The following AKAP6 variants were observed in gnomAD, a reference collection of about 807,000 sequenced individuals.
AKAP6 encodes A-kinase anchor protein 6.
A neutral mutation model predicts 188.5 loss-of-function variants in AKAP6; 58 were observed. The observed-to-expected ratio is 0.31, with a 90% CI of 0.25 to 0.38. AKAP6 has a LOEUF of 0.38. Among genes scored for constraint, AKAP6 ranks in the 10% least tolerant of loss-of-function variants. The pLI is 1.00. For synonymous variants in AKAP6, 989 were observed against 998.6 expected, an observed-to-expected ratio of 0.99 and a Z score of 0.18; for missense variants, 2,710 against 2,740.0, an observed-to-expected ratio of 0.99 and a Z score of 0.24.
intron 1 of AKAP6, among the ~76,000 whole-genome samples, chr14:32,353,350 A>C (rs1478567287): frequency 6.7e-6 from 1 of 150,098 alleles, no homozygotes; most frequent in Non-Finnish European, 1.5e-5. Flanking sequence ...ACATGAGGTC[A>C]GGAGATCGAA....
intron 1 of AKAP6, among the ~76,000 whole-genome samples, chr14:32,421,673 C>T (rs1018284581): frequency 2.6e-5 from 4 of 152,086 alleles, no homozygotes; most frequent in African/African-American, 7.2e-5. Flanking sequence ...TCTGCTAATC[C>T]TTGACTGCCC....
At position 32,627,504 on chromosome 14, in the gene AKAP6, TC is replaced by T. The variant is rs573749976; in HGVS notation, c.2730+26713del. Among the ~76,000 whole-genome samples, 289 of 152,244 alleles carry T rather than the reference TC, an allele frequency of 1.9e-3. 1 individual carries two copies. The highest frequency in any genetic ancestry group is 6.3e-3 in the African/African-American group (260 of 41,556). On this transcript the variant is annotated intron_variant, in intron 7 of 13. Coordinates refer to ENST00000280979, the MANE Select transcript of AKAP6 (RefSeq NM_004274.5). ...TTTCACAGCATCATGAGGAGTTTGT[TC>T]TTTTTCCTTAAACAGTACCCCTAAA...
At chr14:32,818,952 T>G (rs1300230409) in intron 12 of AKAP6, among the ~76,000 whole-genome samples, 1 of 152,216 alleles carries the variant, frequency 6.6e-6, no homozygotes, top group Non-Finnish European at 1.5e-5. Context: ...AGATAGTATT[T>G]GAAATTAATA....
rs767679466 is a variant in AKAP6 at position 32,546,318 on chromosome 14, G to A, written c.1665G>A (p.Glu555=). ...QTNSASTSSL[E]PCNQRSWNAK... is the part of the protein sequence containing the mutation. ...ATTCTGCTTCCACATCCTCACTTGAGCCTTGTAATCAGAGAAGTTGGAATG... is the reference window on the plus strand; with the variant it reads ...ATTCTGCTTCCACATCCTCACTTGAACCTTGTAATCAGAGAAGTTGGAATG... The change falls in exon 4 of 14, where the codon GAG becomes GAA. Residue 555 remains glutamate (E), a synonymous_variant. Coordinates refer to ENST00000280979, the MANE Select transcript of AKAP6 (RefSeq NM_004274.5). 12 of 1,614,046 alleles carry A rather than the reference G, an allele frequency of 7.4e-6. No individual in the cohort carries two copies. The East Asian group carries it at 2.5e-4, about 33-fold the overall frequency.
intron 2 of AKAP6, among the ~76,000 whole-genome samples, chr14:32,479,019 G>A (rs548602261): frequency 2.0e-5 from 3 of 152,276 alleles, no homozygotes; most frequent in Non-Finnish European, 2.9e-5. Context: ...TAGGAATATA[G>A]GGAGAATGCT....
At chr14:32,427,142 C>A (rs1890061317) in intron 1 of AKAP6, among the ~76,000 whole-genome samples, 1 of 151,912 alleles carries the variant, frequency 6.6e-6, no homozygotes, top group Non-Finnish European at 1.5e-5. Flanking sequence ...GTGCTGTTTC[C>A]CCCCTGGGGC....
Position 32,433,482 on chromosome 14 carries a change from TTAGACTTCTCCA to T in AKAP6, c.-10_2del. The T allele has an allele frequency of 6.2e-7, 1 of 1,611,518 alleles. No individual in the cohort carries two copies. The highest frequency in any genetic ancestry group is 8.5e-7 in the Non-Finnish European group (1 of 1,178,088). ...CAGCTGTTTTGGAAAGAAGTGAGGTTTAGACTTCTCCATGTTAACCATGAGCGTGACACTTTC... is the reference window on the plus strand; with the variant it reads ...CAGCTGTTTTGGAAAGAAGTGAGGTTTGTTAACCATGAGCGTGACACTTTC... On this transcript the variant is annotated start_lost and 5_prime_UTR_variant, in exon 2 of 14. Coordinates refer to ENST00000280979, the MANE Select transcript of AKAP6 (RefSeq NM_004274.5).
At chr14:32,704,825 C>G (rs1449294679) in intron 9 of AKAP6, among the ~76,000 whole-genome samples, 1 of 151,950 alleles carries the variant, frequency 6.6e-6, no homozygotes, top group Admixed American at 6.6e-5. Flanking sequence ...TAATTATAAC[C>G]ACAAGGAAAT....
intron 2 of AKAP6, among the ~76,000 whole-genome samples, chr14:32,455,731 T>A (rs1278403505): frequency 1.8e-4 from 27 of 152,242 alleles, no homozygotes; most frequent in Admixed American, 1.8e-3. Context: ...ATGGTAAACC[T>A]TGTAATCTCT....
rs778509807 is a variant in AKAP6, at chr14:32,821,898, G to A, written c.4085G>A (p.Ser1362Asn). The A allele has an allele frequency of 2.5e-6, 4 of 1,613,942 alleles. No homozygotes were observed. The South Asian group carries it at 3.3e-5, about 13-fold the overall frequency. ...HGGDMSQNSG[S>N]ESGIVSEGDT... ...GGAGACATGAGCCAGAATTCAGGCA[G>A]TGAGAGTGGAATTGTCAGTGAAGGA... Residue 1362 changes from serine (S) to asparagine (N), a missense_variant, in exon 13 of 14, where the codon AGT (serine) becomes AAT (asparagine). Ser to Asn is a conservative substitution (Grantham distance 46). This residue lies in a region of AKAP6 where 2,473 missense variants were observed against 2,426.1 expected (regional missense o/e 1.02). Coordinates refer to ENST00000280979, the MANE Select transcript of AKAP6 (RefSeq NM_004274.5).
intron 2 of AKAP6, among the ~76,000 whole-genome samples, chr14:32,475,416 G>A (rs193093556): frequency 1.3e-5 from 2 of 152,266 alleles, no homozygotes; most frequent in Admixed American, 6.5e-5. Flanking sequence ...ATCCTTTTTA[G>A]TGAATGTTAG....
chr14:32,567,836 A>G lies in AKAP6; in HGVS notation c.2347-9284A>G, dbSNP rs1272247888. 3.3e-5 allele frequency among the ~76,000 whole-genome samples: 5 copies of G among 152,296 alleles called. No individual in the cohort carries two copies. In the East Asian group the frequency reaches 9.7e-4, roughly 29 times the overall value. On this transcript the variant is annotated intron_variant, in intron 4 of 13. Coordinates refer to ENST00000280979, the MANE Select transcript of AKAP6 (RefSeq NM_004274.5). ...TCAGCCCTTTTCACTAAAACTTTAT[A>G]GATATGTCCAGAAATGTTTATTTAA...
chr14:32,436,349 C>T (rs1428355413), intron 2 of AKAP6, among the ~76,000 whole-genome samples: 1 of 152,146 alleles, frequency 6.6e-6, no homozygotes, highest in Non-Finnish European at 1.5e-5. Flanking sequence ...GCATCTCAAG[C>T]CCATCAAAGA....
intron 7 of AKAP6, among the ~76,000 whole-genome samples, chr14:32,669,963 G>T (rs1296374967): frequency 6.6e-6 from 1 of 152,064 alleles, no homozygotes; most frequent in African/African-American, 2.4e-5. Flanking sequence ...TGGGTATGGT[G>T]GCGGATGCCT....
At chr14:32,667,851 A>G (rs1433642350) in intron 7 of AKAP6, among the ~76,000 whole-genome samples, 1 of 152,104 alleles carries the variant, frequency 6.6e-6, no homozygotes, top group Non-Finnish European at 1.5e-5. Flanking sequence ...CCATTTAAGG[A>G]CAACTATTTT....
chr14:32,467,240 TTCTTA>T (rs1878518016), intron 2 of AKAP6, among the ~76,000 whole-genome samples: 1 of 148,666 alleles, frequency 6.7e-6, no homozygotes, highest in Admixed American at 6.7e-5. Context: ...AAAAGAAGAG[TTCTTA>T]TCTTTTAGCA....
chr14:32,351,013 AT>A (rs11287789), intron 1 of AKAP6, among the ~76,000 whole-genome samples: 44,480 of 151,508 alleles, frequency 0.29, 6,870 homozygotes, highest in East Asian at 0.4. Flanking sequence ...CCTATGGCTT[AT>A]TTTTTTTGTC....
chr14:32,380,892 G>GA (rs1888333557), intron 1 of AKAP6, among the ~76,000 whole-genome samples: 1 of 149,928 alleles, frequency 6.7e-6, no homozygotes, highest in Non-Finnish European at 1.5e-5. Context: ...TTACAAAAGA[G>GA]TTTTTTTTTT....
chr14:32,578,976 G>A (rs905892492), intron 5 of AKAP6, among the ~76,000 whole-genome samples: 22 of 152,202 alleles, frequency 1.4e-4, no homozygotes, highest in Admixed American at 1.2e-3. Context: ...TTTTGGTGAC[G>A]ATGGAATATT....
Sources: allele counts gnomAD v4.1 joint callset (sites outside exome capture counted in the v4.1 genomes callset), GRCh38; gene constraint gnomAD v4.1.1; regional missense constraint gnomAD v4.1.1; transcripts MANE v1.5; gene names NCBI Gene and HGNC (gene_info 2026-07-23, HGNC 2026-07-21).